PPA2: variants seen among roughly 807,000 people sequenced by gnomAD.
PPA2 encodes inorganic pyrophosphatase 2.
In PPA2, 48 loss-of-function variants were observed where a neutral mutation model predicts 49.5. The ratio of observed to expected loss-of-function variants is 0.97; its 90% CI spans 0.77 to 1.23. The LOEUF (loss-of-function observed/expected upper bound fraction) is 1.23. Ranked by LOEUF, PPA2 falls within the 50% of genes most tolerant of loss-of-function variation. PPA2 has a pLI of 0.00. For missense variants in PPA2, 429 were observed against 410.1 expected (o/e 1.05, Z -0.40); for synonymous variants, 131 against 139.9 (o/e 0.94, Z 0.45).
chr4:105,448,010 G>C (rs535562768), intron 4 of PPA2: 1 of 314,678 alleles, frequency 3.2e-6, no homozygotes, highest in East Asian at 1.2e-4. Context: ...TTTCTCAATG[G>C]GCTGGGATTA....
At chr4:105,397,288 C>T (rs73838082) in intron 8 of PPA2, among the ~76,000 whole-genome samples, 3 of 152,068 alleles carry the variant, frequency 2.0e-5, no homozygotes, top group East Asian at 1.9e-4. Context: ...CTCGGGTCTA[C>T]GATTGCCTGC....
At chr4:105,469,903 T>G (rs1403453231) in intron 1 of PPA2, among the ~76,000 whole-genome samples, 1 of 152,220 alleles carries the variant, frequency 6.6e-6, no homozygotes, top group Non-Finnish European at 1.5e-5. Context: ...TACAGCACTT[T>G]CAATGGCAGA....
intron 5 of PPA2, among the ~76,000 whole-genome samples, chr4:105,443,390 C>G (rs1245482798): frequency 1.4e-5 from 2 of 146,094 alleles, no homozygotes; most frequent in Admixed American, 6.9e-5. Flanking sequence ...TAAATGGGAC[C>G]AGGGGCTGGC....
chr4:105,423,663 T>C (rs1187178441), intron 7 of PPA2, among the ~76,000 whole-genome samples: 1 of 152,196 alleles, frequency 6.6e-6, no homozygotes, highest in Non-Finnish European at 1.5e-5. Flanking sequence ...CATGCCAAGC[T>C]ATTTCCAGAA....
chr4:105,456,665 C>T lies in PPA2; in HGVS notation c.222+16G>A. ...GCAGTACACGTTTTCATTCCCAAAA[C>T]AAGTCAAAACAATACCTCTTTAGAG... is the stretch of plus-strand genomic sequence containing the variant. On this transcript the variant is annotated intron_variant, in intron 2 of 11. Transcript: ENST00000341695. The T allele has an allele frequency of 1.9e-6, 3 of 1,575,160 alleles. No homozygotes were observed. Among genetic ancestry groups the T allele is most frequent in the Non-Finnish European group, 2.6e-6 (3 of 1,154,614 alleles).
Position 105,473,983 on chromosome 4 carries a change from C to T in PPA2, c.68G>A (p.Ser23Asn), listed in dbSNP as rs370434011. 1.2e-5 allele frequency: 19 copies of T among 1,610,158 alleles called. No homozygotes were observed. The African/African-American group carries it at 2.5e-4, about 21-fold the overall frequency. ...AGCACGGCGCGACCCGGTCCCTGCACTGGTCCCCAACCGCAGGCACGCAGC... is the reference window on the plus strand; with the variant it reads ...AGCACGGCGCGACCCGGTCCCTGCATTGGTCCCCAACCGCAGGCACGCAGC... ...PAAACLRLGT[S>N]AGTGSRRAMA... Residue 23 changes from serine (S) to asparagine (N), a missense_variant, in exon 1 of 12, where the codon AGT becomes AAT. Physicochemically the swap from Ser to Asn is conservative, Grantham distance 46. Coordinates refer to ENST00000341695, the MANE Select transcript of PPA2 (RefSeq NM_176869.3).
chr4:105,372,918 A>G (rs951553019), intron 10 of PPA2, among the ~76,000 whole-genome samples: 4 of 152,226 alleles, frequency 2.6e-5, no homozygotes. Flanking sequence ...TTTAAGAAAA[A>G]AGCTGAACAA....
intron 7 of PPA2, among the ~76,000 whole-genome samples, chr4:105,402,903 A>C (rs1452995193): frequency 1.3e-5 from 2 of 152,122 alleles, no homozygotes; most frequent in Non-Finnish European, 2.9e-5. Context: ...TTACCAATGG[A>C]AAAAAAATTA....
intron 7 of PPA2, among the ~76,000 whole-genome samples, chr4:105,418,344 T>A (rs909029177): frequency 2.0e-5 from 3 of 152,224 alleles, no homozygotes; most frequent in African/African-American, 7.2e-5. Flanking sequence ...TTGCTTATTT[T>A]TAAATAATAA....
At chr4:105,394,395 G>A (rs201435632) in intron 9 of PPA2, among the ~76,000 whole-genome samples, 182 of 137,350 alleles carry the variant, frequency 1.3e-3, no homozygotes, top group Middle Eastern at 7.8e-3. Context: ...AAAAAAGAAA[G>A]AAAAAAAAAG....
At chr4:105,410,934 T>C (rs891229780) in intron 7 of PPA2, among the ~76,000 whole-genome samples, 3 of 152,066 alleles carry the variant, frequency 2.0e-5, no homozygotes, top group South Asian at 2.1e-4. Context: ...TGGAAAGGAA[T>C]AACCGGTACC....
intron 1 of PPA2, chr4:105,473,463 G>A (rs750932043): frequency 5.2e-6 from 2 of 383,382 alleles, no homozygotes; most frequent in African/African-American, 2.2e-5. Flanking sequence ...GCAGTAGGAG[G>A]TTTCTTACGC....
intron 11 of PPA2, among the ~76,000 whole-genome samples, chr4:105,370,342 T>A (rs775611109): frequency 6.6e-6 from 1 of 152,206 alleles, no homozygotes; most frequent in African/African-American, 2.4e-5. Context: ...ACAAATGATG[T>A]GTGCACATGC....
At chr4:105,403,397 C>T (rs1363211439) in intron 7 of PPA2, among the ~76,000 whole-genome samples, 6 of 152,000 alleles carry the variant, frequency 3.9e-5, no homozygotes, top group Non-Finnish European at 8.8e-5. Flanking sequence ...TAACTTCTGA[C>T]AAATAGTGTG....
At chr4:105,428,462 G>A (rs377167766) in intron 6 of PPA2, among the ~76,000 whole-genome samples, 15 of 151,608 alleles carry the variant, frequency 9.9e-5, no homozygotes, top group African/African-American at 2.9e-4. Context: ...CCCATCTCAC[G>A]TGCAGAGACA....
intron 6 of PPA2, among the ~76,000 whole-genome samples, chr4:105,434,246 T>C (rs994489254): frequency 2.6e-5 from 4 of 152,164 alleles, no homozygotes; most frequent in African/African-American, 9.7e-5. Context: ...AGAACAGAAG[T>C]CTTCAGGAGG....
chr4:105,472,499 T>A (rs183630084), intron 1 of PPA2, among the ~76,000 whole-genome samples: 93 of 152,332 alleles, frequency 6.1e-4, no homozygotes, highest in Non-Finnish European at 1.2e-3. Flanking sequence ...AGGCCTTTTT[T>A]CAATCTGCTT....
intron 8 of PPA2, chr4:105,398,729 G>A: frequency 5.1e-6 from 1 of 195,218 alleles, no homozygotes; most frequent in South Asian, 1.2e-4. Context: ...CCACAAAACA[G>A]TAAATAGAAA....
chr4:105,400,286 GA>G (rs56335541), intron 7 of PPA2, among the ~76,000 whole-genome samples: 13,003 of 151,938 alleles, frequency 0.086, 748 homozygotes, highest in Non-Finnish European at 0.13. Context: ...ATTCAGAGGG[GA>G]AAAAAATCTT....
Sources: gnomAD v4.1 joint callset for allele counts (sites outside exome capture counted in the v4.1 genomes callset) on GRCh38, gnomAD v4.1.1 for gene constraint, MANE v1.5 for transcripts, NCBI Gene and HGNC (gene_info 2026-07-23, HGNC 2026-07-21) for gene names.